Variants in AFF3 observed in about 807,000 individuals in gnomAD.
AFF3 encodes AF4/FMR2 family member 3.
Under a neutral mutation model 129.7 loss-of-function variants are expected in AFF3, and 32 were observed. The observed-to-expected ratio is 0.25, with a 90% confidence interval of 0.19 to 0.33. The LOEUF is 0.33. Ranked by LOEUF, AFF3 falls within the 10% of genes least tolerant of loss-of-function variation. AFF3 has a pLI of 1.00. For synonymous variants in AFF3, 644 were observed against 635.4 expected (o/e 1.01, Z -0.20); for missense variants, 1,373 against 1,592.0 (o/e 0.86, Z 2.34).
At chr2:100,060,540 A>G (rs969944545) in intron 4 of AFF3, among the ~76,000 whole-genome samples, 4 of 152,204 alleles carry the variant, frequency 2.6e-5, no homozygotes, top group Admixed American at 2.6e-4. Context: ...CTATAGATAT[A>G]TATCAGCTCT....
intron 9 of AFF3, among the ~76,000 whole-genome samples, chr2:99,749,000 T>G (rs1483463302): frequency 6.6e-6 from 1 of 152,236 alleles, no homozygotes; most frequent in African/African-American, 2.4e-5. Context: ...TCTGGCTTAG[T>G]TCACGCAGTA....
At chr2:99,697,107 C>T (rs977038716) in intron 11 of AFF3, among the ~76,000 whole-genome samples, 7 of 152,174 alleles carry the variant, frequency 4.6e-5, no homozygotes, top group South Asian at 2.1e-4. Context: ...CTTCCCACCT[C>T]GGAATCTCAG....
Position 99,550,159 on chromosome 2 carries a change from A to G in AFF3, c.*1315T>C. ...ACATCAGACAAAAACTGTAAACAAG[A>G]TGTCAAAGAAACTAAAATGTAAACT... On this transcript the variant is annotated 3_prime_UTR_variant, in exon 25 of 25. Transcript: ENST00000672756. The G allele has an allele frequency of 4.4e-6, 1 of 229,388 alleles. No homozygotes were observed. Among genetic ancestry groups the G allele is most frequent in the Non-Finnish European group, 8.6e-6 (1 of 115,642 alleles). 14.2% of individuals were successfully genotyped at this position (229,388 alleles called of 1,614,324 possible).
chr2:99,942,547 C>CG (rs56988005), intron 7 of AFF3, among the ~76,000 whole-genome samples: 2,451 of 59,246 alleles, frequency 0.041, 37 homozygotes, highest in East Asian at 0.088. Context: ...GGGGGAGGGG[C>CG]GGGGGGGGGG....
In AFF3 at chr2:99,593,450, C is replaced by G. The variant is rs1678937273; in HGVS notation, c.2211G>C (p.Glu737Asp). The G allele has an allele frequency of 6.2e-7, 1 of 1,613,930 alleles. No homozygotes were observed. The change falls in exon 15 of 25, where the codon GAG becomes GAC. Residue 737 changes from glutamate to aspartate, a missense_variant. Glu to Asp is a conservative substitution (Grantham distance 45). Transcript: ENST00000672756. ...CCAGTGTGTAGAACTGCTCCTCCAG[C>G]TCCTTGGCGATGTCACTGGTGGTCC... The part of the protein sequence containing the change: ...NARTTSDIAK[E>D]LEEQFYTLVP...
At chr2:99,892,057 C>G (rs766753691) in intron 7 of AFF3, among the ~76,000 whole-genome samples, 4 of 152,080 alleles carry the variant, frequency 2.6e-5, no homozygotes, top group African/African-American at 9.7e-5. Context: ...CTCCTGACCT[C>G]GTGATCCGCC....
At chr2:99,969,436 C>G (rs1678118362) in intron 7 of AFF3, among the ~76,000 whole-genome samples, 1 of 152,100 alleles carries the variant, frequency 6.6e-6, no homozygotes, top group Non-Finnish European at 1.5e-5. Flanking sequence ...AAATCTGCAC[C>G]ATATCTACCA....
intron 8 of AFF3, among the ~76,000 whole-genome samples, chr2:99,810,513 T>C (rs1298940352): frequency 6.6e-6 from 1 of 152,258 alleles, no homozygotes; most frequent in African/African-American, 2.4e-5. Context: ...TGGGCAAACG[T>C]GCCACCCGCA....
chr2:99,731,780 G>A (rs1679851630), intron 10 of AFF3, among the ~76,000 whole-genome samples: 1 of 152,208 alleles, frequency 6.6e-6, no homozygotes, highest in Non-Finnish European at 1.5e-5. Flanking sequence ...GGTAGAATGA[G>A]TGCAAATGTT....
chr2:100,129,929 C>T (rs942144528), intron 1 of AFF3, among the ~76,000 whole-genome samples: 1 of 152,134 alleles, frequency 6.6e-6, no homozygotes, highest in East Asian at 1.9e-4. Context: ...TAGTGGGAGG[C>T]ACAGTTGGGA....
intron 10 of AFF3, among the ~76,000 whole-genome samples, chr2:99,735,617 C>T (rs1014865519): frequency 3.3e-5 from 5 of 152,124 alleles, no homozygotes; most frequent in East Asian, 1.9e-4. Flanking sequence ...CTCAGTCTCC[C>T]GAGTAGCTGG....
At chr2:99,864,023 G>A (rs1691191941) in intron 7 of AFF3, among the ~76,000 whole-genome samples, 2 of 152,164 alleles carry the variant, frequency 1.3e-5, no homozygotes, top group Admixed American at 1.3e-4. Context: ...AGGAAGTCAA[G>A]AAAGTCCATC....
intron 7 of AFF3, among the ~76,000 whole-genome samples, chr2:99,878,640 T>C (rs574814454): frequency 1.3e-5 from 2 of 152,338 alleles, no homozygotes; most frequent in Admixed American, 1.3e-4. Flanking sequence ...AATAAAAACA[T>C]AGTAAATGGT....
intron 2 of AFF3, among the ~76,000 whole-genome samples, chr2:100,118,801 A>C (rs1009952056): frequency 3.3e-5 from 5 of 150,808 alleles, no homozygotes; most frequent in African/African-American, 9.8e-5. Context: ...ATTCCAACTA[A>C]GGAAAATTCT....
rs1679057767 is a variant in AFF3, at chr2:99,594,190, A to G, written c.1471T>C (p.Ser491Pro). 3.1e-6 allele frequency: 5 copies of G among 1,613,896 alleles called. No individual in the cohort carries two copies. Among genetic ancestry groups the G allele is most frequent in the East Asian group, 2.2e-5 (1 of 44,858 alleles). ...PILIQNESHG[S>P]ESNQYYNPVK... ...GGGTTGTAGTACTGATTGCTCTCTGACCCGTGGCTTTCATTTTGGATCAGA... is the reference window on the plus strand; with the variant it reads ...GGGTTGTAGTACTGATTGCTCTCTGGCCCGTGGCTTTCATTTTGGATCAGA... The change falls in exon 15 of 25, where the codon TCA becomes CCA. Residue 491 changes from serine (S) to proline (P), a missense_variant. Coordinates refer to ENST00000672756, the MANE Select transcript of AFF3 (RefSeq NM_001386135.1).
chr2:99,627,075 T>C (rs1558663942), intron 13 of AFF3, among the ~76,000 whole-genome samples: 1 of 152,234 alleles, frequency 6.6e-6, no homozygotes, highest in Non-Finnish European at 1.5e-5. Flanking sequence ...ATATGATTTA[T>C]ATTCCTTTGG....
intron 8 of AFF3, among the ~76,000 whole-genome samples, chr2:99,791,348 T>C (rs1685174473): frequency 4.6e-5 from 7 of 152,210 alleles, no homozygotes; most frequent in Admixed American, 4.6e-4. Context: ...TCCTATGTAC[T>C]TTAATAAATA....
At chr2:99,950,171 T>A (rs1488476934) in intron 7 of AFF3, among the ~76,000 whole-genome samples, 1 of 152,210 alleles carries the variant, frequency 6.6e-6, no homozygotes, top group Non-Finnish European at 1.5e-5. Context: ...TGCCACTGCA[T>A]CAACTCAGTT....
intron 7 of AFF3, among the ~76,000 whole-genome samples, chr2:99,964,065 G>T (rs1677495572): frequency 6.6e-6 from 1 of 152,044 alleles, no homozygotes; most frequent in Non-Finnish European, 1.5e-5. Context: ...AATTGACTAG[G>T]AAGGTGTAAC....
Sources: allele counts gnomAD v4.1 joint callset (sites outside exome capture counted in the v4.1 genomes callset), GRCh38; gene constraint gnomAD v4.1.1; transcripts MANE v1.5; gene names NCBI Gene and HGNC (gene_info 2026-07-23, HGNC 2026-07-21).